ZMIZ1: variants seen among roughly 807,000 people sequenced by gnomAD.
ZMIZ1 encodes the protein zinc finger MIZ-type containing 1.
In ZMIZ1, 17 loss-of-function variants were observed where a neutral mutation model predicts 113.9. The observed-to-expected ratio is 0.15, with a 90% CI of 0.10 to 0.22. ZMIZ1 has a LOEUF of 0.22. Ranked by LOEUF, ZMIZ1 falls within the 10% of genes least tolerant of loss-of-function variation. The pLI, the probability that ZMIZ1 is intolerant of heterozygous loss-of-function variation, is 1.00. For missense variants in ZMIZ1, 1,059 were observed against 1,477.8 expected, an observed-to-expected ratio of 0.72 and a Z score of 4.65; for synonymous variants, 607 against 603.1, an observed-to-expected ratio of 1.01 and a Z score of -0.09.
intron 24 of ZMIZ1, 51 bp downstream of exon 24, chr10:79,311,235 G>C (rs1341354048): frequency 2.3e-6 from 3 of 1,306,158 alleles, no homozygotes; most frequent in African/African-American, 1.5e-5. Context: ...CTGGCGCCGG[G>C]ACCTGCCCGA....
At chr10:79,224,292 C>A (rs1849114368) in intron 7 of ZMIZ1, among the ~76,000 whole-genome samples, 1 of 152,100 alleles carries the variant, frequency 6.6e-6, no homozygotes, top group Non-Finnish European at 1.5e-5. Context: ...CCCACATTTT[C>A]TTCTTTCTGT....
At chr10:79,081,241 G>A (rs1348126165) in intron 1 of ZMIZ1, among the ~76,000 whole-genome samples, 1 of 152,166 alleles carries the variant, frequency 6.6e-6, no homozygotes, top group Non-Finnish European at 1.5e-5. Flanking sequence ...TGTATCCTCG[G>A]AGACTTCTCT....
intron 4 of ZMIZ1, among the ~76,000 whole-genome samples, chr10:79,167,085 C>G (rs1846386291): frequency 6.6e-6 from 1 of 152,238 alleles, no homozygotes; most frequent in Admixed American, 6.5e-5. Flanking sequence ...TGCCTCATGG[C>G]TCCATCCTCG....
At chr10:79,093,280 C>G in intron 1 of ZMIZ1, among the ~76,000 whole-genome samples, 1 of 148,724 alleles carries the variant, frequency 6.7e-6, no homozygotes, top group Admixed American at 6.7e-5. Context: ...CTGCTGTACC[C>G]CAGTTTTATT....
chr10:79,294,951 G>GT (rs1853781722), intron 12 of ZMIZ1: 1 of 141,958 alleles, frequency 7.0e-6, no homozygotes, highest in South Asian at 2.4e-4. Flanking sequence ...GAGGGGGGGG[G>GT]GTCAGGGGCT....
intron 2 of ZMIZ1, among the ~76,000 whole-genome samples, chr10:79,131,425 G>C (rs1274070559): frequency 6.6e-6 from 1 of 152,070 alleles, no homozygotes; most frequent in East Asian, 1.9e-4. Flanking sequence ...CTGAGCTGTC[G>C]TGCCTGTTTT....
intron 24 of ZMIZ1, 88 bp downstream of exon 24, chr10:79,311,272 G>T: frequency 7.4e-7 from 1 of 1,346,404 alleles, no homozygotes; most frequent in Non-Finnish European, 9.9e-7. Context: ...GAGGGCTCGA[G>T]GCCCCGAAGG....
At chr10:79,229,549 A>G (rs945351288) in intron 7 of ZMIZ1, among the ~76,000 whole-genome samples, 39 of 152,224 alleles carry the variant, frequency 2.6e-4, no homozygotes, top group African/African-American at 9.2e-4. Flanking sequence ...GGAAACAGGA[A>G]TTACTGGGGG....
At chr10:79,092,517 G>A (rs566766412) in intron 1 of ZMIZ1, among the ~76,000 whole-genome samples, 2 of 152,364 alleles carry the variant, frequency 1.3e-5, no homozygotes, top group South Asian at 2.1e-4. Context: ...CTTGGGCTGC[G>A]GCTAGGGGTG....
intron 1 of ZMIZ1, among the ~76,000 whole-genome samples, chr10:79,072,149 C>CT (rs1340292313): frequency 6.6e-6 from 1 of 152,130 alleles, no homozygotes; most frequent in Non-Finnish European, 1.5e-5. Flanking sequence ...CAAAATGTCC[C>CT]TTTTCCCTCC....
chr10:79,195,464 C>T (rs989886783), intron 4 of ZMIZ1, among the ~76,000 whole-genome samples: 2 of 152,216 alleles, frequency 1.3e-5, no homozygotes, highest in African/African-American at 2.4e-5. Flanking sequence ...GGGGCCAGGC[C>T]GACAGTGATC....
intron 2 of ZMIZ1, among the ~76,000 whole-genome samples, chr10:79,129,470 C>G (rs1378353750): frequency 6.6e-6 from 1 of 152,164 alleles, no homozygotes; most frequent in Non-Finnish European, 1.5e-5. Flanking sequence ...TCGCTCGGCC[C>G]CTTCCCACAC....
chr10:79,081,408 A>G (rs1207880499), intron 1 of ZMIZ1, among the ~76,000 whole-genome samples: 3 of 152,160 alleles, frequency 2.0e-5, no homozygotes, highest in Non-Finnish European at 4.4e-5. Flanking sequence ...AGGTTGTAAG[A>G]CGTGGCAGTA....
At chr10:79,100,340 C>T (rs1435585165) in intron 1 of ZMIZ1, among the ~76,000 whole-genome samples, 1 of 150,630 alleles carries the variant, frequency 6.6e-6, no homozygotes, top group Non-Finnish European at 1.5e-5. Context: ...GGCATGGTGG[C>T]TTATGCCTGT....
intron 12 of ZMIZ1, chr10:79,293,937 C>T: frequency 1.8e-6 from 1 of 549,624 alleles, no homozygotes; most frequent in East Asian, 3.1e-5. Flanking sequence ...CGCCACTCAG[C>T]AAGCAGCAGT....
chr10:79,254,772 C>T (rs1276471201), intron 7 of ZMIZ1, among the ~76,000 whole-genome samples: 5 of 152,160 alleles, frequency 3.3e-5, no homozygotes, highest in African/African-American at 1.2e-4. Flanking sequence ...GGTGAGGGTG[C>T]CAGGCAATGC....
intron 3 of ZMIZ1, among the ~76,000 whole-genome samples, chr10:79,142,252 C>T (rs535132558): frequency 3.3e-5 from 5 of 152,026 alleles, no homozygotes; most frequent in East Asian, 1.9e-4. Flanking sequence ...AAATATGAGT[C>T]GGGAAGGCAG....
intron 1 of ZMIZ1, among the ~76,000 whole-genome samples, chr10:79,070,532 C>A (rs1842232039): frequency 6.6e-6 from 1 of 152,124 alleles, no homozygotes; most frequent in African/African-American, 2.4e-5. Flanking sequence ...CCAGGGCAGC[C>A]GGTCCGGGCC....
chr10:79,300,673 C>CG, intron 16 of ZMIZ1, 59 bp from the exon 17 acceptor site: 1 of 1,530,752 alleles, frequency 6.5e-7, no homozygotes, highest in Non-Finnish European at 8.7e-7. Context: ...CTCGGGGTCA[C>CG]GGAGGCCATG....
Sources: allele counts gnomAD v4.1 joint callset (sites outside exome capture counted in the v4.1 genomes callset), GRCh38; gene constraint gnomAD v4.1.1; transcripts MANE v1.5; gene names NCBI Gene and HGNC (gene_info 2026-07-23, HGNC 2026-07-21).